The following SENP6 variants were observed in gnomAD, a reference collection of about 807,000 sequenced individuals.
SENP6 encodes the protein SUMO specific peptidase 6.
In SENP6, 41 loss-of-function variants were observed where a neutral mutation model predicts 134.5. The observed-to-expected ratio is 0.30, with a 90% confidence interval of 0.24 to 0.40. The LOEUF is 0.40. Among genes scored for constraint, SENP6 ranks in the 10% least tolerant of loss-of-function variants. SENP6 has a pLI of 1.00. For missense variants in SENP6, 1,248 were observed against 1,312.5 expected (o/e 0.95, Z 0.76); for synonymous variants, 395 against 429.8 (o/e 0.92, Z 1.00).
intron 6 of SENP6, 66 bp from the exon 7 acceptor site, chr6:75,647,665 A>G: frequency 9.0e-7 from 1 of 1,107,528 alleles, no homozygotes; most frequent in Non-Finnish European, 1.4e-6. Context: ...TAAGTATGCC[A>G]TTAACTTTTT....
chr6:75,627,078 C>A (rs1052805499), intron 3 of SENP6, among the ~76,000 whole-genome samples: 2 of 152,122 alleles, frequency 1.3e-5, no homozygotes, highest in African/African-American at 4.8e-5. Flanking sequence ...ATTCTCCTGC[C>A]TCAGCCTCCT....
chr6:75,624,499 A>G lies in SENP6; in HGVS notation c.207+539A>G, dbSNP rs576278786. ...TCTAATTTTGGCATACCAGATTTAC[A>G]CTTGTTCCATCGATATCTGAACGTA... is the stretch of plus-strand genomic sequence containing the variant. On this transcript the variant is annotated intron_variant, in intron 3 of 23. Coordinates refer to ENST00000447266, the MANE Select transcript of SENP6 (RefSeq NM_015571.4). Among the ~76,000 whole-genome samples, 4 of 152,258 alleles carry G rather than the reference A, an allele frequency of 2.6e-5. No homozygotes were observed. The South Asian group carries it at 6.2e-4, about 24-fold the overall frequency.
At chr6:75,663,193 C>T in intron 8 of SENP6, 28 bp from the exon 9 acceptor site, 1 of 1,591,514 alleles carries the variant, frequency 6.3e-7, no homozygotes, top group Non-Finnish European at 8.5e-7. Context: ...AGACCAAATG[C>T]CAAAGTTGTG....
At chr6:75,685,384 T>G (rs1328771688) in intron 16 of SENP6, among the ~76,000 whole-genome samples, 1 of 152,194 alleles carries the variant, frequency 6.6e-6, no homozygotes, top group Non-Finnish European at 1.5e-5. Context: ...TCTATCTCCT[T>G]CAGTTCTGCT....
intron 5 of SENP6, 117 bp downstream of exon 5, chr6:75,634,928 GAGAT>G: frequency 1.4e-6 from 1 of 702,924 alleles, no homozygotes; most frequent in Non-Finnish European, 2.6e-6. Flanking sequence ...TGTCTGTAGA[GAGAT>G]ATATCTCTGA....
intron 10 of SENP6, among the ~76,000 whole-genome samples, chr6:75,668,007 T>C (rs1191271411): frequency 2.0e-5 from 3 of 152,238 alleles, no homozygotes; most frequent in African/African-American, 7.2e-5. Context: ...TGTATGTGTT[T>C]ATACATGTCA....
chr6:75,705,925 CTTTTTTTTTTTTT>C (rs71544062), intron 19 of SENP6, among the ~76,000 whole-genome samples: 14 of 47,974 alleles, frequency 2.9e-4, no homozygotes, highest in East Asian at 8.8e-4. Context: ...ATTTTTGAGC[CTTTTTTTTTTTTT>C]TTTTTTTTTT....
intron 1 of SENP6, among the ~76,000 whole-genome samples, chr6:75,617,369 G>A (rs1239657758): frequency 6.9e-6 from 1 of 144,402 alleles, no homozygotes; most frequent in African/African-American, 2.6e-5. Context: ...CGTCTCCTGG[G>A]TTCAAGTGAT....
chr6:75,692,812 C>G (rs181046705), intron 16 of SENP6, among the ~76,000 whole-genome samples: 2 of 151,914 alleles, frequency 1.3e-5, no homozygotes, highest in East Asian at 3.9e-4. Flanking sequence ...AATCTGTAAT[C>G]CTAGCACTTG....
At position 75,718,067 on chromosome 6, in the gene SENP6, G is replaced by A. The variant is rs535193913; in HGVS notation, c.*2473G>A. 2.0e-5 allele frequency: 3 copies of A among 151,396 alleles called. No homozygotes were observed. The highest frequency in any genetic ancestry group is 2.0e-4 in the East Asian group (1 of 5,124). The allele number at this position is 151,396 out of a possible 1,614,324, so 9.4% of individuals were successfully genotyped here. A position where few individuals can be genotyped will look rare whatever the true frequency, so the allele number is the denominator to read the frequency against. On this transcript the variant is annotated 3_prime_UTR_variant, in exon 24 of 24. Transcript: ENST00000447266. ...AACTTTTAGTCAATTAAATGTAGGA[G>A]GTTTTATTTGAAAACATAAAATGAT... is the stretch of plus-strand genomic sequence containing the variant.
intron 7 of SENP6, among the ~76,000 whole-genome samples, chr6:75,648,366 G>A (rs1770613749): frequency 6.6e-6 from 1 of 151,996 alleles, no homozygotes; most frequent in Admixed American, 6.6e-5. Context: ...TTCATTATCT[G>A]GAATAATGAT....
chr6:75,663,821 T>TGGC (rs1771969115), intron 9 of SENP6, among the ~76,000 whole-genome samples: 1 of 117,448 alleles, frequency 8.5e-6, no homozygotes, highest in African/African-American at 3.1e-5. Context: ...TTTTTTTTTG[T>TGGC]GGGGGGGGGG....
rs151063471 is a variant in SENP6 at position 75,705,587 on chromosome 6, C to A, written c.2716+2515C>A. Among the ~76,000 whole-genome samples the A allele has an allele frequency of 2.8e-3, 425 of 152,090 alleles. 2 individuals are homozygous for A. Among genetic ancestry groups the A allele is most frequent in the Admixed American group, 6.1e-3 (93 of 15,242 alleles). ...TAATTAATTAATTAAAAACTAGTTT[C>A]TGTTCAAATTCTTAAATTTGATATC... On this transcript the variant is annotated intron_variant, in intron 19 of 23. Coordinates refer to ENST00000447266, the MANE Select transcript of SENP6 (RefSeq NM_015571.4).
chr6:75,640,180 A>G (rs900135975), intron 5 of SENP6, among the ~76,000 whole-genome samples: 1 of 152,230 alleles, frequency 6.6e-6, no homozygotes, highest in African/African-American at 2.4e-5. Context: ...TCGGGCATAT[A>G]ATAAAACCAG....
chr6:75,652,146 C>T (rs1770914694), intron 7 of SENP6, among the ~76,000 whole-genome samples: 1 of 152,116 alleles, frequency 6.6e-6, no homozygotes, highest in African/African-American at 2.4e-5. Flanking sequence ...CACTGTCCTC[C>T]AACCTGGGCA....
At chr6:75,661,558 A>G (rs1161247503) in intron 8 of SENP6, among the ~76,000 whole-genome samples, 1 of 152,256 alleles carries the variant, frequency 6.6e-6, no homozygotes, top group African/African-American at 2.4e-5. Context: ...GGTATTAAAC[A>G]CAGCAATAAT....
Position 75,711,401 on chromosome 6 carries a change from C to G in SENP6, c.2894C>G (p.Pro965Arg). 1 of 1,609,992 alleles carries G rather than the reference C, an allele frequency of 6.2e-7. No homozygotes were observed. The change falls in exon 21 of 24, where the codon CCT becomes CGT. Residue 965 changes from proline to arginine, a missense_variant. Physicochemically the swap from Pro to Arg is moderately radical, Grantham distance 103 (BLOSUM62 -2). Transcript: ENST00000447266. Reference protein sequence around the residue: ...SSEIGQWHLKPTICKQPCILL... With the variant: ...SSEIGQWHLKRTICKQPCILL... ...GAAATAGGACAGTGGCATTTAAAGC[C>G]TACTATCTGTAAACAGTAAGCATTA...
chr6:75,705,449 G>A (rs960449247), intron 19 of SENP6, among the ~76,000 whole-genome samples: 1 of 152,144 alleles, frequency 6.6e-6, no homozygotes, highest in Admixed American at 6.6e-5. Flanking sequence ...GGAGGCTGAG[G>A]CAGGAGAATC....
At chr6:75,640,129 A>C (rs1481840350) in intron 5 of SENP6, among the ~76,000 whole-genome samples, 1 of 152,252 alleles carries the variant, frequency 6.6e-6, no homozygotes, top group Non-Finnish European at 1.5e-5. Context: ...GGCATTAAAC[A>C]TGAAAGGACA....
Sources: gnomAD v4.1 joint callset for allele counts (sites outside exome capture counted in the v4.1 genomes callset) on GRCh38, gnomAD v4.1.1 for gene constraint, MANE v1.5 for transcripts, NCBI Gene and HGNC (gene_info 2026-07-23, HGNC 2026-07-21) for gene names.